GCGR: variants seen among roughly 807,000 people sequenced by gnomAD.
The protein encoded by GCGR is glucagon receptor.
A neutral mutation model predicts 56.1 loss-of-function variants in GCGR; 41 were observed. The ratio of observed to expected loss-of-function variants is 0.73; its 90% CI spans 0.57 to 0.95. The LOEUF is 0.95. GCGR is among the 40% of genes least tolerant of loss of function. GCGR has a pLI of 0.00. For missense variants in GCGR, 595 were observed against 638.2 expected, an observed-to-expected ratio of 0.93 and a Z score of 0.73; for synonymous variants, 278 against 271.1, an observed-to-expected ratio of 1.03 and a Z score of -0.25.
Position 81,808,931 on chromosome 17 carries a change from T to C in GCGR, c.-88T>C, listed in dbSNP as rs1052619035. Reference sequence around the variant, plus strand: ...CTGCTGCTCTGCCACTCAGCTGCCCTCGGAGGAGCGTACACACCCACCAGG... The same window carrying C: ...CTGCTGCTCTGCCACTCAGCTGCCCCCGGAGGAGCGTACACACCCACCAGG... On this transcript the variant is annotated 5_prime_UTR_variant, in exon 2 of 14. Coordinates refer to ENST00000400723, the MANE Select transcript of GCGR (RefSeq NM_000160.5). 6.3e-5 allele frequency: 94 copies of C among 1,485,734 alleles called. No individual in the cohort carries two copies. The East Asian group carries it at 2.3e-3, about 36-fold the overall frequency. The allele number at this position is 1,485,734 out of a possible 1,614,324, so 92.0% of individuals were successfully genotyped here. A position where few individuals can be genotyped will look rare whatever the true frequency, so the allele number is the denominator to read the frequency against.
At chr17:81,805,574 CA>C (rs2037943250) in intron 1 of GCGR, among the ~76,000 whole-genome samples, 5 of 144,826 alleles carry the variant, frequency 3.5e-5, no homozygotes, top group Non-Finnish European at 6.0e-5. Context: ...GAACCCCCCA[CA>C]TTGGGCACCT....
rs1460153318 is a variant in GCGR, at chr17:81,809,087, T to G, written c.60+9T>G. On this transcript the variant is annotated intron_variant, in intron 2 of 13. Coordinates refer to ENST00000400723, the MANE Select transcript of GCGR (RefSeq NM_000160.5). ...TGCTGCTGGCCTGCCAGGTGAGGAC[T>G]CACAGCACCCTCAGCACCCAGGGGC... The G allele has an allele frequency of 2.0e-6, 3 of 1,535,546 alleles. No homozygotes were observed. The African/African-American group carries it at 4.1e-5, about 21-fold the overall frequency.
Position 81,813,153 on chromosome 17 carries a change from G to C in GCGR, c.1218+96G>C, listed in dbSNP as rs1408120668. The C allele has an allele frequency of 4.6e-6, 7 of 1,509,992 alleles. No individual in the cohort carries two copies. The highest frequency in any genetic ancestry group is 6.2e-6 in the Non-Finnish European group (7 of 1,125,154). 93.5% of individuals were successfully genotyped at this position (1,509,992 alleles called of 1,614,324 possible). ...GGATGCCAGCCCCACCCCTGCCCGG[G>C]GGTTGGAACACGTGGGGCCCAAGCC... On this transcript the variant is annotated intron_variant, in intron 13 of 13. Transcript: ENST00000400723. The surrounding 1 kb of genome is among the most constrained non-coding windows in gnomAD (Gnocchi z 5.3).
At chr17:81,805,646 TATTGGGCACCTCGGGAACCCCCAC>T (rs1323063469) in intron 1 of GCGR, among the ~76,000 whole-genome samples, 3 of 91,362 alleles carry the variant, frequency 3.3e-5, no homozygotes, top group Non-Finnish European at 4.6e-5. Flanking sequence ...GGAACCCCCC[TATTGGGCACCTCGGGAACCCCCAC>T]ATTGGGCACC....
chr17:81,806,128 C>T lies in GCGR; in HGVS notation c.-178+1879C>T, dbSNP rs1188346683. 6.6e-6 allele frequency among the ~76,000 whole-genome samples: 1 copy of T among 152,142 alleles called. No individual in the cohort carries two copies. The highest frequency in any genetic ancestry group is 1.5e-5 in the Non-Finnish European group (1 of 68,016). ...CCCTGCTCTCCAGGCCAGGCTCTCT[C>T]ATGGGTGCTCAGCTGGAAATTGGTC... is the stretch of plus-strand genomic sequence containing the variant. On this transcript the variant is annotated intron_variant, in intron 1 of 13. Transcript: ENST00000400723. This position sits in a 1 kb window ranked among gnomAD's most constrained non-coding sequence, Gnocchi z 6.5.
At position 81,813,819 on chromosome 17, in the gene GCGR, C is replaced by T; in HGVS notation, c.*130C>T. ...AGCAGCCCCCACCTACCCCCCACCC[C>T]CAGTGTGGCTGTCTGCGAGATTGGG... On this transcript the variant is annotated 3_prime_UTR_variant, in exon 14 of 14. Coordinates refer to ENST00000400723, the MANE Select transcript of GCGR (RefSeq NM_000160.5). This position sits in a 1 kb window ranked among gnomAD's most constrained non-coding sequence, Gnocchi z 5.3. 1.2e-6 allele frequency: 1 copy of T among 818,230 alleles called. No homozygotes were observed. 50.7% of individuals were successfully genotyped at this position (818,230 alleles called of 1,614,324 possible).
Position 81,813,779 on chromosome 17 carries a change from G to C in GCGR, c.*90G>C. On this transcript the variant is annotated 3_prime_UTR_variant, in exon 14 of 14. Transcript: ENST00000400723. The surrounding 1 kb of genome is among the most constrained non-coding windows in gnomAD (Gnocchi z 5.3). ...AACTGGACGCCCAGCTGAGGCTGGG[G>C]GCGGGGGAGCCAACAGCAGCCCCCA... is the stretch of plus-strand genomic sequence containing the variant. The C allele has an allele frequency of 2.3e-6, 3 of 1,311,552 alleles. No individual in the cohort carries two copies. The highest frequency in any genetic ancestry group is 3.1e-6 in the Non-Finnish European group (3 of 970,334). 81.2% of individuals were successfully genotyped at this position (1,311,552 alleles called of 1,614,324 possible).
chr17:81,809,702 CCTGTCTGCCTGTCTGT>C, intron 2 of GCGR, 64 bp from the exon 3 acceptor site: 2 of 973,354 alleles, frequency 2.1e-6, no homozygotes, highest in Non-Finnish European at 3.0e-6. Flanking sequence ...TACCTGCCTG[CCTGTCTGCCTGTCTGT>C]CTGCCTGTCT....
chr17:81,808,604 C>T (rs1179103962), intron 1 of GCGR, among the ~76,000 whole-genome samples: 1 of 151,056 alleles, frequency 6.6e-6, no homozygotes, highest in African/African-American at 2.4e-5. Flanking sequence ...ACTGCAAGCT[C>T]TGCCTCCCGG....
chr17:81,807,001 G>T (rs1371490837), intron 1 of GCGR, among the ~76,000 whole-genome samples: 2 of 152,174 alleles, frequency 1.3e-5, no homozygotes, highest in African/African-American at 4.8e-5. Flanking sequence ...TGGGTTGGGG[G>T]TGCACACAGT....
chr17:81,810,007 T>G lies in GCGR; in HGVS notation c.163+123T>G. The G allele has an allele frequency of 1.3e-6, 1 of 758,324 alleles. No individual in the cohort carries two copies. Among genetic ancestry groups the G allele is most frequent in the Non-Finnish European group, 2.3e-6 (1 of 438,070 alleles). 47.0% of individuals were successfully genotyped at this position (758,324 alleles called of 1,614,324 possible). A position where few individuals can be genotyped will look rare whatever the true frequency, so the allele number is the denominator to read the frequency against. On this transcript the variant is annotated intron_variant, in intron 3 of 13. Transcript: ENST00000400723. The surrounding 1 kb of genome is among the most constrained non-coding windows in gnomAD (Gnocchi z 4.6). The stretch of plus-strand genomic sequence containing the variant: ...AGGACCCCGCCAAGGGGCCCTGTCA[T>G]TCCTCAGGCCCCCACCACCGTGGGC...
rs764081617 is a variant in GCGR at position 81,811,001 on chromosome 17, C to T, written c.272-9C>T. On this transcript the variant is annotated splice_polypyrimidine_tract_variant and intron_variant, in intron 4 of 13. Coordinates refer to ENST00000400723, the MANE Select transcript of GCGR (RefSeq NM_000160.5). This position sits in a 1 kb window ranked among gnomAD's most constrained non-coding sequence, Gnocchi z 5.8. ...TGGGGCTGACCCCAGCCTCCCCCCACACCCCCAGTGCAACACCGCTTCGTG... is the reference window on the plus strand; with the variant it reads ...TGGGGCTGACCCCAGCCTCCCCCCATACCCCCAGTGCAACACCGCTTCGTG... The T allele has an allele frequency of 5.3e-5, 82 of 1,535,854 alleles. No individual in the cohort carries two copies. In the African/African-American group the frequency reaches 9.8e-4, roughly 18 times the overall value.
At chr17:81,809,512 TGTCTGCCTGCCTGTCTGCCTGTCTGCCC>T (rs2038042966) in intron 2 of GCGR, among the ~76,000 whole-genome samples, 1 of 111,276 alleles carries the variant, frequency 9.0e-6, no homozygotes, top group Non-Finnish European at 2.2e-5. Flanking sequence ...TCTGCCTGCC[TGTCTGCCTGCCTGTCTGCCTGTCTGCCC>T]GTCTGCCTGT....
intron 1 of GCGR, among the ~76,000 whole-genome samples, chr17:81,807,532 C>G (rs973618303): frequency 6.6e-6 from 1 of 152,168 alleles, no homozygotes. Flanking sequence ...CAGGCCTGCC[C>G]GGAAACCCTC....
rs1390201837 is a variant in GCGR, at chr17:81,813,600, C to T, written c.1345C>T (p.Gln449Ter). Residue 449 changes from glutamine (Q) to a stop codon, truncating the protein, a stop_gained, in exon 14 of 14, where the codon CAG becomes TAG. Coordinates refer to ENST00000400723, the MANE Select transcript of GCGR (RefSeq NM_000160.5). LOFTEE classifies it low-confidence loss of function (END_TRUNC). This position sits in a 1 kb window ranked among gnomAD's most constrained non-coding sequence, Gnocchi z 5.3. The part of the protein sequence containing the change: ...PGHGPPSKEL[Q>*]FGRGGGSQDS... ...CCACGGCCCTCCCAGCAAGGAGCTG[C>T]AGTTTGGGAGGGGTGGTGGCAGCCA... is the stretch of plus-strand genomic sequence containing the variant. The T allele has an allele frequency of 3.9e-6, 6 of 1,536,500 alleles. No homozygotes were observed. The East Asian group carries it at 1.2e-4, about 31-fold the overall frequency.
chr17:81,809,626 TCTGC>T (rs2038049318), intron 2 of GCGR, among the ~76,000 whole-genome samples, 152 bp from the exon 3 acceptor site: 1 of 146,426 alleles, frequency 6.8e-6, no homozygotes, highest in African/African-American at 2.6e-5. Context: ...TGTCTGTCCG[TCTGC>T]CTGCCTGTCT....
In GCGR at chr17:81,810,123, G is replaced by A. The variant is rs1598236452; in HGVS notation, c.163+239G>A. On this transcript the variant is annotated intron_variant, in intron 3 of 13. Transcript: ENST00000400723. This position sits in a 1 kb window ranked among gnomAD's most constrained non-coding sequence, Gnocchi z 4.6. ...ATAACAGAACGGTGGCATTGCCCCA[G>A]AACCGGCTGCTGCTGCTGCCCCCAG... 6 of 588,528 alleles carry A rather than the reference G, an allele frequency of 1.0e-5. 1 individual carries two copies. In the South Asian group the frequency reaches 1.1e-4, roughly 11 times the overall value. 36.5% of individuals were successfully genotyped at this position (588,528 alleles called of 1,614,324 possible).
Position 81,811,600 on chromosome 17 carries a change from G to A in GCGR, c.657+40G>A. ...GCGGCCCCAGGCAGGTGGGTGGGTG[G>A]GCAGCCAGGCAGGTGGCCACGTAGC... is the stretch of plus-strand genomic sequence containing the variant. On this transcript the variant is annotated intron_variant, in intron 7 of 13. Coordinates refer to ENST00000400723, the MANE Select transcript of GCGR (RefSeq NM_000160.5). This position sits in a 1 kb window ranked among gnomAD's most constrained non-coding sequence, Gnocchi z 5.8. The A allele has an allele frequency of 1.3e-6, 2 of 1,536,018 alleles. No individual in the cohort carries two copies. The highest frequency in any genetic ancestry group is 1.7e-6 in the Non-Finnish European group (2 of 1,146,784).
chr17:81,811,378 C>G lies in GCGR; in HGVS notation c.501-26C>G. Reference sequence around the variant, plus strand: ...CGGCCGCAGAGGACAGGGAGGAGGACGGGCGCTGACTGGCTGTGCCCACAG... The same window carrying G: ...CGGCCGCAGAGGACAGGGAGGAGGAGGGGCGCTGACTGGCTGTGCCCACAG... On this transcript the variant is annotated intron_variant, in intron 6 of 13. Transcript: ENST00000400723. The surrounding 1 kb of genome is among the most constrained non-coding windows in gnomAD (Gnocchi z 5.8). The G allele has an allele frequency of 6.5e-7, 1 of 1,535,844 alleles. No homozygotes were observed. The highest frequency in any genetic ancestry group is 2.4e-5 in the East Asian group (1 of 40,898).
Sources: gnomAD v4.1 joint callset for allele counts (sites outside exome capture counted in the v4.1 genomes callset) on GRCh38, gnomAD v4.1.1 for gene constraint, Gnocchi (gnomAD v3.1) non-coding constraint, MANE v1.5 for transcripts, NCBI Gene and HGNC (gene_info 2026-07-23, HGNC 2026-07-21) for gene names.